Variants in LCA5L observed in about 807,000 individuals in gnomAD.
LCA5L encodes lebercilin-like protein.
LCA5L carries 35 observed loss-of-function variants against 45.4 expected under a neutral mutation model. The ratio of observed to expected loss-of-function variants is 0.77; its 90% CI spans 0.59 to 1.02. The LOEUF (loss-of-function observed/expected upper bound fraction) is 1.02. Ranked by LOEUF, LCA5L falls within the 50% of genes least tolerant of loss-of-function variation. The pLI is 0.00. For missense variants in LCA5L, 668 were observed against 761.6 expected (o/e 0.88, Z 1.45); for synonymous variants, 233 against 264.7 (o/e 0.88, Z 1.16).
At chr21:39,422,737 A>G in intron 6 of LCA5L, 1 of 546,256 alleles carries the variant, frequency 1.8e-6, no homozygotes, top group East Asian at 3.0e-5. Flanking sequence ...CAGTCCAGCC[A>G]CAGAGTGAAC....
intron 8 of LCA5L, among the ~76,000 whole-genome samples, chr21:39,411,334 C>T (rs888047071): frequency 6.6e-6 from 1 of 152,078 alleles, no homozygotes; most frequent in South Asian, 2.1e-4. Flanking sequence ...CACTGAGCTG[C>T]GTGCACACTT....
intron 2 of LCA5L, among the ~76,000 whole-genome samples, chr21:39,441,217 G>A (rs2076819346): frequency 1.3e-5 from 2 of 152,144 alleles, no homozygotes; most frequent in Admixed American, 6.5e-5. Context: ...TCAGGAGGCT[G>A]AGCCCAGGAA....
intron 5 of LCA5L, 193 bp downstream of exon 5, chr21:39,427,979 A>AG (rs2075062144): frequency 2.1e-6 from 1 of 470,988 alleles, no homozygotes; most frequent in Admixed American, 3.9e-5. Flanking sequence ...TTACATGTGA[A>AG]GCCTTTCTGT....
intron 7 of LCA5L, among the ~76,000 whole-genome samples, chr21:39,415,042 C>T (rs944437244): frequency 4.6e-5 from 7 of 152,106 alleles, no homozygotes; most frequent in Middle Eastern, 3.2e-3. Flanking sequence ...GCTGGGATTA[C>T]AGGCTTGTGC....
Position 39,414,705 on chromosome 21 carries a change from GT to G in LCA5L, c.976-2904del, listed in dbSNP as rs539462451. Reference sequence around the variant, plus strand: ...TAAAAGGCAGTACTGCATCTGTCTGGTTCTCTCCCTCTCTCTCTCTCTCTCT... The same window carrying G: ...TAAAAGGCAGTACTGCATCTGTCTGGTCTCTCCCTCTCTCTCTCTCTCTCT... On this transcript the variant is annotated intron_variant, in intron 7 of 10. Transcript: ENST00000288350. Among the ~76,000 whole-genome samples, 12 of 115,192 alleles carry G rather than the reference GT, an allele frequency of 1.0e-4. No individual in the cohort carries two copies. The East Asian group carries it at 3.2e-3, about 31-fold the overall frequency. 75.6% of individuals were successfully genotyped at this position (115,192 alleles called of 152,430 possible).
intron 7 of LCA5L, among the ~76,000 whole-genome samples, chr21:39,415,533 T>C (rs2040981079): frequency 6.6e-6 from 1 of 152,194 alleles, no homozygotes; most frequent in African/African-American, 2.4e-5. Flanking sequence ...TATTTCAGTA[T>C]CTGTAGCAAA....
chr21:39,420,037 T>A (rs2042022397), intron 7 of LCA5L, among the ~76,000 whole-genome samples: 2 of 152,198 alleles, frequency 1.3e-5, no homozygotes, highest in African/African-American at 4.8e-5. Flanking sequence ...TACATTAAAA[T>A]GTTAACAAAC....
At chr21:39,441,301 GT>G (rs1486143420) in intron 2 of LCA5L, among the ~76,000 whole-genome samples, 2 of 151,662 alleles carry the variant, frequency 1.3e-5, no homozygotes, top group Non-Finnish European at 2.9e-5. Flanking sequence ...GTGGGACCCT[GT>G]TTCAAAACCA....
chr21:39,438,561 T>A (rs2076506529), intron 2 of LCA5L: 1 of 152,194 alleles, frequency 6.6e-6, no homozygotes, highest in African/African-American at 2.4e-5. Flanking sequence ...TTTCCTTAAT[T>A]TGCAGAGACC....
chr21:39,445,170 G>A (rs2077329579), intron 1 of LCA5L, among the ~76,000 whole-genome samples: 1 of 151,726 alleles, frequency 6.6e-6, no homozygotes. Context: ...CTGAGGGGAG[G>A]GTGTGGATAA....
At chr21:39,419,582 A>C (rs957661094) in intron 7 of LCA5L, among the ~76,000 whole-genome samples, 4 of 151,834 alleles carry the variant, frequency 2.6e-5, no homozygotes, top group African/African-American at 9.7e-5. Context: ...ATAGTGCTAA[A>C]TTTCTTATGT....
At position 39,410,277 on chromosome 21, in the gene LCA5L, G is replaced by C. The variant is rs138657594; in HGVS notation, c.1151C>G (p.Pro384Arg). The C allele has an allele frequency of 3.2e-4, 506 of 1,603,816 alleles. No homozygotes were observed. Among genetic ancestry groups the C allele is most frequent in the Non-Finnish European group, 4.1e-4 (487 of 1,173,886 alleles). Reference sequence around the variant, plus strand: ...AATTTGCTGTACCTTAGTTGTCAAAGGTGGAACATCTGATTTTTGGGTTCC... The same window carrying C: ...AATTTGCTGTACCTTAGTTGTCAAACGTGGAACATCTGATTTTTGGGTTCC... ...HQGTQKSDVPPLTTKGKKATG... is the reference protein window; with the variant it reads ...HQGTQKSDVPRLTTKGKKATG... Residue 384 changes from proline to arginine, a missense_variant, in exon 9 of 11, where the codon CCT becomes CGT. Physicochemically the swap from Pro to Arg is moderately radical, Grantham distance 103 (BLOSUM62 -2). Coordinates refer to ENST00000288350, the MANE Select transcript of LCA5L (RefSeq NM_152505.4).
chr21:39,427,067 C>G (rs1027788537), intron 5 of LCA5L, among the ~76,000 whole-genome samples: 16 of 152,186 alleles, frequency 1.1e-4, no homozygotes, highest in Admixed American at 9.2e-4. Flanking sequence ...CACAGAGGGT[C>G]CTGGACACAG....
chr21:39,422,840 ATAAT>A, intron 6 of LCA5L, 132 bp downstream of exon 6: 1 of 810,574 alleles, frequency 1.2e-6, no homozygotes, highest in Non-Finnish European at 2.0e-6. Flanking sequence ...ATTAGACAAC[ATAAT>A]TATTTAGTGC....
At chr21:39,412,403 CCTTAA>C (rs2040245541) in intron 7 of LCA5L, among the ~76,000 whole-genome samples, 1 of 152,136 alleles carries the variant, frequency 6.6e-6, no homozygotes, top group Non-Finnish European at 1.5e-5. Flanking sequence ...CATTTTGAAA[CCTTAA>C]CTTGTTGAGG....
rs762837680 is a variant in LCA5L at position 39,406,437 on chromosome 21, ATCT to A, written c.1455_1457del (p.Glu485del). ...TTTTAAACTTTTCTCTTACTAGAACATCTTCTTGATTGCTTTCTCTTTCAGGAT... is the reference window on the plus strand; with the variant it reads ...TTTTAAACTTTTCTCTTACTAGAACATCTTGATTGCTTTCTCTTTCAGGAT... On this transcript the variant is annotated inframe_deletion, in exon 11 of 11. Coordinates refer to ENST00000288350, the MANE Select transcript of LCA5L (RefSeq NM_152505.4). 3.7e-6 allele frequency: 6 copies of A among 1,614,062 alleles called. No homozygotes were observed. The highest frequency in any genetic ancestry group is 5.1e-6 in the Non-Finnish European group (6 of 1,179,980).
At chr21:39,439,480 CA>C (rs2076602278) in intron 2 of LCA5L, among the ~76,000 whole-genome samples, 1 of 152,170 alleles carries the variant, frequency 6.6e-6, no homozygotes, top group Non-Finnish European at 1.5e-5. Flanking sequence ...AGACTAAAAG[CA>C]GGCTATTAAA....
In LCA5L at chr21:39,423,489, G is replaced by A; in HGVS notation, c.324C>T (p.Gly108=). 1.3e-6 allele frequency: 2 copies of A among 1,541,966 alleles called. No individual in the cohort carries two copies. The highest frequency in any genetic ancestry group is 1.7e-6 in the Non-Finnish European group (2 of 1,155,472). Residue 108 remains glycine (G), a splice_region_variant and synonymous_variant, in exon 6 of 11, where the codon GGC becomes GGT. Transcript: ENST00000288350. ...TTTTTTCAACTGATATTTCCTTCTG[G>A]CCTGTGTAAGCAGAAAATCCAGTTT... ...YNVSKISQSK[G]QKEISVEKKH... is the part of the protein sequence containing the mutation.
Position 39,437,169 on chromosome 21 carries a change from A to G in LCA5L, c.-245-1596T>C, listed in dbSNP as rs186307731. Among the ~76,000 whole-genome samples, 157 of 152,316 alleles carry G rather than the reference A, an allele frequency of 1.0e-3. 2 individuals carry two copies. The highest frequency in any genetic ancestry group is 9.0e-3 in the Admixed American group (137 of 15,292). Reference sequence around the variant, plus strand: ...CTGAAAAAACTTCTCATTACTGCTAACCCAATCTGAAAAGCTCCAAATGAA... The same window carrying G: ...CTGAAAAAACTTCTCATTACTGCTAGCCCAATCTGAAAAGCTCCAAATGAA... On this transcript the variant is annotated intron_variant, in intron 2 of 10. Coordinates refer to ENST00000288350, the MANE Select transcript of LCA5L (RefSeq NM_152505.4).
Sources: gnomAD v4.1 joint callset for allele counts (sites outside exome capture counted in the v4.1 genomes callset) on GRCh38, gnomAD v4.1.1 for gene constraint, MANE v1.5 for transcripts, NCBI Gene and HGNC (gene_info 2026-07-23, HGNC 2026-07-21) for gene names.